The following DNAH8 variants were observed in gnomAD, a reference collection of about 807,000 sequenced individuals.
DNAH8 encodes axonemal beta dynein heavy chain 8.
A neutral mutation model predicts 562.1 loss-of-function variants in DNAH8; 382 were observed. That is an observed-to-expected ratio of 0.68 (90% confidence interval 0.63 to 0.74). DNAH8 has a LOEUF of 0.74. Ranked by LOEUF, DNAH8 falls within the 30% of genes least tolerant of loss-of-function variation. The pLI is 0.00. For synonymous variants in DNAH8, 1,881 were observed against 1,919.4 expected, an observed-to-expected ratio of 0.98 and a Z score of 0.52; for missense variants, 5,203 against 5,620.4, an observed-to-expected ratio of 0.93 and a Z score of 2.37.
rs563655134 is a variant in DNAH8, at chr6:38,965,130, A to G, written c.12452-6462A>G. Among the ~76,000 whole-genome samples the G allele has an allele frequency of 1.8e-3, 266 of 151,644 alleles. 1 individual carries two copies. Among genetic ancestry groups the G allele is most frequent in the African/African-American group, 6.1e-3 (251 of 41,446 alleles). On this transcript the variant is annotated intron_variant, in intron 82 of 92. Transcript: ENST00000327475. ...TAAAATAAAATAATGTATAATACAT[A>G]TATGCATATATACATTTTAATATAG...
Position 38,723,484 on chromosome 6 carries a change from CTT to C in DNAH8, c.525+14_525+15del. 1 of 1,594,386 alleles carries C rather than the reference CTT, an allele frequency of 6.3e-7. No homozygotes were observed. Among genetic ancestry groups the C allele is most frequent in the Non-Finnish European group, 8.5e-7 (1 of 1,175,144 alleles). ...GGATTGCCCATCTGTAAGTTTAAGTCTTATCATTATATTTTAATTGCCCTTTG... is the reference window on the plus strand; with the variant it reads ...GGATTGCCCATCTGTAAGTTTAAGTCATCATTATATTTTAATTGCCCTTTG... On this transcript the variant is annotated intron_variant, in intron 3 of 92. Transcript: ENST00000327475.
intron 77 of DNAH8, 75 bp downstream of exon 77, chr6:38,935,772 C>T (rs2150586607): frequency 9.2e-7 from 1 of 1,089,356 alleles, no homozygotes; most frequent in East Asian, 2.4e-5. Context: ...TCAATGCCCT[C>T]ATGACTATAG....
At chr6:38,974,276 C>G in intron 84 of DNAH8, 98 bp from the exon 85 acceptor site, 3 of 969,546 alleles carry the variant, frequency 3.1e-6, no homozygotes, top group Non-Finnish European at 4.5e-6. Context: ...CAGTCCCAAG[C>G]ATTTCAGATA....
At chr6:38,892,268 A>G (rs180878093) in intron 58 of DNAH8, among the ~76,000 whole-genome samples, 3 of 152,164 alleles carry the variant, frequency 2.0e-5, no homozygotes, top group African/African-American at 4.8e-5. Context: ...TTCAAAATGG[A>G]TATCTCCATC....
intron 22 of DNAH8, among the ~76,000 whole-genome samples, chr6:38,803,516 C>T (rs979209677): frequency 6.6e-6 from 1 of 151,944 alleles, no homozygotes; most frequent in Non-Finnish European, 1.5e-5. Flanking sequence ...GAACCCCTCT[C>T]AAATCCAAGT....
At chr6:38,881,405 G>C (rs1290861624) in intron 53 of DNAH8, among the ~76,000 whole-genome samples, 2 of 152,084 alleles carry the variant, frequency 1.3e-5, no homozygotes, top group South Asian at 4.1e-4. Flanking sequence ...GAGGCTAAAC[G>C]TATCAATGAA....
chr6:38,750,869 A>T (rs1002979596), intron 9 of DNAH8, among the ~76,000 whole-genome samples: 2 of 152,232 alleles, frequency 1.3e-5, no homozygotes, highest in African/African-American at 4.8e-5. Context: ...GCCAAAAGTT[A>T]TTTAAAATAT....
intron 42 of DNAH8, 23 bp downstream of exon 42, chr6:38,857,765 T>G: frequency 6.9e-7 from 1 of 1,440,056 alleles, no homozygotes; most frequent in Non-Finnish European, 9.7e-7. Context: ...TTTTTTTAAT[T>G]TAGTGTACTA....
Position 38,896,024 on chromosome 6 carries a change from T to G in DNAH8, c.8748-9T>G. ...ATTTAACATTCTTACTACTACATTTTCCTTTCAGATTTATAACTCCTGAAG... is the reference window on the plus strand; with the variant it reads ...ATTTAACATTCTTACTACTACATTTGCCTTTCAGATTTATAACTCCTGAAG... On this transcript the variant is annotated splice_polypyrimidine_tract_variant and intron_variant, in intron 59 of 92. Coordinates refer to ENST00000327475, the MANE Select transcript of DNAH8 (RefSeq NM_001206927.2). The G allele has an allele frequency of 6.2e-7, 1 of 1,607,002 alleles. No homozygotes were observed. The highest frequency in any genetic ancestry group is 8.5e-7 in the Non-Finnish European group (1 of 1,176,206).
At chr6:38,942,374 G>A (rs1025613329) in intron 79 of DNAH8, among the ~76,000 whole-genome samples, 3 of 152,196 alleles carry the variant, frequency 2.0e-5, no homozygotes, top group African/African-American at 7.2e-5. Context: ...TGGGTCCACA[G>A]TGGATGGTGG....
At chr6:38,926,020 C>A in intron 73 of DNAH8, 35 bp from the exon 74 acceptor site, 1 of 1,594,114 alleles carries the variant, frequency 6.3e-7, no homozygotes, top group Non-Finnish European at 8.6e-7. Flanking sequence ...TTCCTGTTCT[C>A]CTTTGAATGG....
At chr6:38,788,918 G>A (rs184045563) in intron 18 of DNAH8, among the ~76,000 whole-genome samples, 75 of 152,258 alleles carry the variant, frequency 4.9e-4, no homozygotes, top group African/African-American at 1.7e-3. Context: ...TACCAAAATA[G>A]TATTTAATTG....
chr6:38,834,130 C>T (rs1011205645), intron 31 of DNAH8, among the ~76,000 whole-genome samples: 20 of 152,272 alleles, frequency 1.3e-4, no homozygotes, highest in African/African-American at 4.6e-4. Context: ...AGAGGATGTT[C>T]TCAGAACTCT....
intron 58 of DNAH8, among the ~76,000 whole-genome samples, chr6:38,892,383 C>T (rs862435): frequency 0.57 from 86,671 of 152,008 alleles, 25,220 homozygotes; most frequent in African/African-American, 0.67. Context: ...AACAGAACTC[C>T]TAAATGTCTT....
chr6:38,927,914 A>G (rs140015430), intron 74 of DNAH8: 4 of 152,360 alleles, frequency 2.6e-5, no homozygotes, highest in African/African-American at 9.6e-5. Flanking sequence ...GGATGGAAAT[A>G]GACTGAATTG....
chr6:38,982,316 C>A (rs1221913757), intron 85 of DNAH8, 30 bp from the exon 86 acceptor site: 10 of 933,414 alleles, frequency 1.1e-5, no homozygotes, highest in Non-Finnish European at 1.8e-5. Context: ...CAGGTACATG[C>A]AATACTTACT....
At chr6:39,016,414 G>C (rs559528040) in intron 91 of DNAH8, among the ~76,000 whole-genome samples, 2 of 152,150 alleles carry the variant, frequency 1.3e-5, no homozygotes, top group African/African-American at 4.8e-5. Context: ...AGCTGGGCTT[G>C]GTGGTGGGTG....
rs1183233282 is a variant in DNAH8, at chr6:38,824,760, A to G, written c.3847+1072A>G. On this transcript the variant is annotated intron_variant, in intron 28 of 92. Coordinates refer to ENST00000327475, the MANE Select transcript of DNAH8 (RefSeq NM_001206927.2). Reference sequence around the variant, plus strand: ...AAATGCTTTATATGAGACGCTTAGCATAGTACCTGGCGTATGATTGATGTT... The same window carrying G: ...AAATGCTTTATATGAGACGCTTAGCGTAGTACCTGGCGTATGATTGATGTT... 3.3e-5 allele frequency among the ~76,000 whole-genome samples: 5 copies of G among 152,126 alleles called. No individual in the cohort carries two copies. The East Asian group carries it at 5.8e-4, about 18-fold the overall frequency.
chr6:38,872,800 T>C lies in DNAH8; in HGVS notation c.7237+18T>C, dbSNP rs1161163056. 2 of 1,612,898 alleles carry C rather than the reference T, an allele frequency of 1.2e-6. No homozygotes were observed. Among genetic ancestry groups the C allele is most frequent in the Non-Finnish European group, 1.7e-6 (2 of 1,179,402 alleles). On this transcript the variant is annotated intron_variant, in intron 50 of 92. Coordinates refer to ENST00000327475, the MANE Select transcript of DNAH8 (RefSeq NM_001206927.2). ...TAAAAAAGGTATACACAAACCTCCTTTGTGATCATTTTTTCCCTGCTAGCG... is the reference window on the plus strand; with the variant it reads ...TAAAAAAGGTATACACAAACCTCCTCTGTGATCATTTTTTCCCTGCTAGCG...
Sources: allele counts gnomAD v4.1 joint callset (sites outside exome capture counted in the v4.1 genomes callset), GRCh38; gene constraint gnomAD v4.1.1; transcripts MANE v1.5; gene names NCBI Gene and HGNC (gene_info 2026-07-23, HGNC 2026-07-21).